Variants in LNX1 observed in about 807,000 individuals in gnomAD.
LNX1 encodes the protein ligand of numb-protein X 1.
Under a neutral mutation model 68.4 loss-of-function variants are expected in LNX1, and 54 were observed. That is an observed-to-expected ratio of 0.79 (90% CI 0.63 to 0.99). The LOEUF is 0.99. LNX1 is among the 50% of genes least tolerant of loss of function. The pLI, the probability that LNX1 is intolerant of heterozygous loss-of-function variation, is 0.00. For missense variants in LNX1, 906 were observed against 926.4 expected (o/e 0.98, Z 0.29); for synonymous variants, 336 against 350.0 (o/e 0.96, Z 0.45).
intron 2 of LNX1, among the ~76,000 whole-genome samples, chr4:53,570,429 C>A (rs1282846565): frequency 7.1e-6 from 1 of 141,734 alleles, no homozygotes; most frequent in African/African-American, 2.6e-5. Flanking sequence ...AAACCAAATA[C>A]CGCATATTCT....
In LNX1 at chr4:53,461,515, A is replaced by G; in HGVS notation, c.1971T>C (p.Tyr657=). ...AAGGTTTGTTTCCATTGTATTCTTC[A>G]TAACCTCCTACAATGCAGAAGCCCA... ...GSLGFCIVGG[Y]EEYNGNKPFF... Residue 657 remains tyrosine, a synonymous_variant, in exon 10 of 11, where the codon TAT becomes TAC. Transcript: ENST00000263925. The G allele has an allele frequency of 1.2e-6, 2 of 1,612,026 alleles. No individual in the cohort carries two copies. The highest frequency in any genetic ancestry group is 1.7e-6 in the Non-Finnish European group (2 of 1,178,454).
intron 6 of LNX1, among the ~76,000 whole-genome samples, chr4:53,485,491 C>A (rs1724226043): frequency 6.6e-6 from 1 of 152,228 alleles, no homozygotes; most frequent in Admixed American, 6.5e-5. Context: ...ACTGGATTTT[C>A]AAATGCTGGC....
intron 2 of LNX1, chr4:53,557,792 A>T (rs1342802225): frequency 6.7e-7 from 1 of 1,502,776 alleles, no homozygotes; most frequent in Non-Finnish European, 9.2e-7. Context: ...AAATGGATAT[A>T]TCAGCTAGGG....
At chr4:53,569,670 A>C (rs563524124) in intron 2 of LNX1, among the ~76,000 whole-genome samples, 1 of 151,544 alleles carries the variant, frequency 6.6e-6, no homozygotes, top group Non-Finnish European at 1.5e-5. Context: ...AATGGGATCT[A>C]ATTAAACTAA....
At chr4:53,529,104 C>CACAG (rs1727841883) in intron 2 of LNX1, among the ~76,000 whole-genome samples, 1 of 122,646 alleles carries the variant, frequency 8.2e-6, no homozygotes. Flanking sequence ...TCCTGACCAA[C>CACAG]ACACACACAC....
At chr4:53,556,529 T>C (rs556624082) in intron 2 of LNX1, among the ~76,000 whole-genome samples, 2 of 152,220 alleles carry the variant, frequency 1.3e-5, no homozygotes, top group African/African-American at 4.8e-5. Flanking sequence ...ATTTCAAAGA[T>C]CCCAACCTCA....
intron 2 of LNX1, among the ~76,000 whole-genome samples, chr4:53,509,227 T>C (rs889926454): frequency 2.0e-5 from 3 of 152,208 alleles, no homozygotes; most frequent in African/African-American, 7.2e-5. Flanking sequence ...AAGGCAGAAA[T>C]CATATCACGA....
intron 2 of LNX1, among the ~76,000 whole-genome samples, chr4:53,598,630 A>G (rs1405941228): frequency 6.6e-6 from 1 of 152,208 alleles, no homozygotes; most frequent in African/African-American, 2.4e-5. Context: ...ATCTGGAAGA[A>G]ACATAGGAGG....
chr4:53,598,235 AT>A (rs34653341), intron 2 of LNX1, among the ~76,000 whole-genome samples: 27,161 of 144,598 alleles, frequency 0.19, 2,452 homozygotes, highest in African/African-American at 0.22. Flanking sequence ...ACTGACTGTG[AT>A]TTTTTTTTTT....
At chr4:53,620,216 C>T (rs1238506748), upstream of LNX1, among the ~76,000 whole-genome samples, 1 of 152,190 alleles carries the variant, frequency 6.6e-6, no homozygotes, top group Non-Finnish European at 1.5e-5. Flanking sequence ...TATCTATCTA[C>T]TCTCAAAATG....
intron 1 of LNX1, among the ~76,000 whole-genome samples, chr4:53,650,441 A>G (rs940381789): frequency 2.0e-5 from 3 of 152,156 alleles, no homozygotes; most frequent in African/African-American, 4.8e-5. Flanking sequence ...TAAGCAAATA[A>G]TATATTAAGG....
At chr4:53,497,292 C>A (rs1487798617) in intron 5 of LNX1, among the ~76,000 whole-genome samples, 1 of 152,200 alleles carries the variant, frequency 6.6e-6, no homozygotes, top group African/African-American at 2.4e-5. Flanking sequence ...TTGCTGCACT[C>A]TGTGTTTGAG....
upstream of LNX1, among the ~76,000 whole-genome samples, chr4:53,622,218 A>G (rs990912575): frequency 1.3e-5 from 2 of 152,216 alleles, no homozygotes; most frequent in Admixed American, 6.6e-5. Flanking sequence ...TACGTATGTC[A>G]TATGCCAGGA....
chr4:53,640,232 G>A (rs893234183), intron 1 of LNX1, among the ~76,000 whole-genome samples: 23 of 152,264 alleles, frequency 1.5e-4, no homozygotes, highest in African/African-American at 5.5e-4. Flanking sequence ...AAGAACGACT[G>A]TCAGGAAGGC....
chr4:53,465,480 C>T (rs1722608054), intron 9 of LNX1, among the ~76,000 whole-genome samples: 1 of 152,126 alleles, frequency 6.6e-6, no homozygotes, highest in African/African-American at 2.4e-5. Context: ...CTGAAGGAGG[C>T]ACTGTATTAA....
At chr4:53,542,486 C>T (rs7658854) in intron 2 of LNX1, among the ~76,000 whole-genome samples, 2 of 152,224 alleles carry the variant, frequency 1.3e-5, no homozygotes, top group Non-Finnish European at 2.9e-5. Context: ...AAAGAGTGTC[C>T]TAACAATCAC....
At chr4:53,478,392 T>C (rs1723699707) in intron 8 of LNX1, among the ~76,000 whole-genome samples, 173 bp downstream of exon 8, 1 of 152,100 alleles carries the variant, frequency 6.6e-6, no homozygotes, top group African/African-American at 2.4e-5. Context: ...CTAAGAAAAG[T>C]GGAACCTGGT....
In LNX1 at chr4:53,644,898, G is replaced by T. The variant is rs75958584; in HGVS notation, c.-215+7270C>A. On this transcript the variant is annotated intron_variant, in intron 1 of 2. Transcript: ENST00000507168. ...ACAGGGAGGAGGAAGTCTGGGTAAGGATTACAAGTAGCACAGTCAAAATGC... is the reference window on the plus strand; with the variant it reads ...ACAGGGAGGAGGAAGTCTGGGTAAGTATTACAAGTAGCACAGTCAAAATGC... Among the ~76,000 whole-genome samples, 8 of 152,160 alleles carry T rather than the reference G, an allele frequency of 5.3e-5. 1 individual carries two copies. Among genetic ancestry groups the T allele is most frequent in the Admixed American group, 5.2e-4 (8 of 15,282 alleles).
chr4:53,620,345 C>G (rs1177848495), upstream of LNX1, among the ~76,000 whole-genome samples: 1 of 152,176 alleles, frequency 6.6e-6, no homozygotes, highest in Admixed American at 6.5e-5. Flanking sequence ...CAAGCCCTGA[C>G]CCAGATGTAG....
Sources: gnomAD v4.1 joint callset for allele counts (sites outside exome capture counted in the v4.1 genomes callset) on GRCh38, gnomAD v4.1.1 for gene constraint, MANE v1.5 for transcripts, NCBI Gene and HGNC (gene_info 2026-07-23, HGNC 2026-07-21) for gene names.